Variants in SP4 observed in about 807,000 individuals in gnomAD.
SP4 encodes transcription factor Sp4.
In SP4, 19 loss-of-function variants were observed where a neutral mutation model predicts 72.8. The observed-to-expected ratio is 0.26, with a 90% CI of 0.18 to 0.38. The LOEUF is 0.38. SP4 is among the 10% of genes least tolerant of loss of function. The probability of loss-of-function intolerance (pLI) is 1.00; values close to 1 mark genes in which losing one functional copy is unlikely to be tolerated. For synonymous variants in SP4, 395 were observed against 333.1 expected, an observed-to-expected ratio of 1.19 and a Z score of -2.02; for missense variants, 1,008 against 926.3, an observed-to-expected ratio of 1.09 and a Z score of -1.14.
intron 3 of SP4, among the ~76,000 whole-genome samples, chr7:21,434,123 G>T (rs1014546304): frequency 7.2e-5 from 11 of 152,112 alleles, no homozygotes; most frequent in African/African-American, 2.7e-4. Flanking sequence ...GTCGGTTCAT[G>T]TTGTTCCCCA....
chr7:21,480,998 A>T (rs1784669376), intron 4 of SP4, among the ~76,000 whole-genome samples: 1 of 152,176 alleles, frequency 6.6e-6, no homozygotes, highest in Non-Finnish European at 1.5e-5. Context: ...CTGCTTTAAG[A>T]GCTGAGTGCC....
rs186674144 is a variant in SP4 at position 21,494,603 on chromosome 7, A to G, written c.2107+12480A>G. On this transcript the variant is annotated intron_variant, in intron 5 of 5. Transcript: ENST00000222584. The stretch of plus-strand genomic sequence containing the variant: ...ATGCAAGACATGTAAGCTAAAAACT[A>G]AAACATTGATGAAAGAATGCAATGA... Among the ~76,000 whole-genome samples, 267 of 152,002 alleles carry G rather than the reference A, an allele frequency of 1.8e-3. 2 individuals are homozygous for G. The highest frequency in any genetic ancestry group is 5.8e-3 in the African/African-American group (242 of 41,458).
intron 5 of SP4, among the ~76,000 whole-genome samples, chr7:21,494,124 A>T (rs879129490): frequency 6.6e-6 from 1 of 152,206 alleles, no homozygotes; most frequent in Admixed American, 6.5e-5. Flanking sequence ...ACTGAGTTGA[A>T]GGAAACATCA....
At chr7:21,489,991 A>G (rs1784930434) in intron 5 of SP4, among the ~76,000 whole-genome samples, 1 of 152,210 alleles carries the variant, frequency 6.6e-6, no homozygotes, top group Non-Finnish European at 1.5e-5. Context: ...AGTATGTGAA[A>G]CATCAAAACT....
chr7:21,444,983 A>G (rs780602238), intron 3 of SP4, among the ~76,000 whole-genome samples: 9 of 152,168 alleles, frequency 5.9e-5, no homozygotes, highest in African/African-American at 2.2e-4. Flanking sequence ...TTTGAGGTAC[A>G]TATGCCACAA....
At chr7:21,509,255 C>A (rs988888129) in intron 5 of SP4, among the ~76,000 whole-genome samples, 17 of 152,042 alleles carry the variant, frequency 1.1e-4, no homozygotes, top group African/African-American at 3.1e-4. Context: ...TCCTGGTTTG[C>A]CAAGAGCTCT....
intron 4 of SP4, among the ~76,000 whole-genome samples, chr7:21,481,271 C>T (rs568602880): frequency 1.3e-5 from 2 of 152,220 alleles, no homozygotes; most frequent in African/African-American, 2.4e-5. Context: ...CTCCTCTGAC[C>T]GGGAGGTGGG....
chr7:21,511,832 G>C lies in SP4; in HGVS notation c.*563G>C, dbSNP rs926321221. 1.9e-5 allele frequency: 3 copies of C among 154,326 alleles called. No homozygotes were observed. The highest frequency in any genetic ancestry group is 1.9e-4 in the East Asian group (1 of 5,212). The allele number at this position is 154,326 out of a possible 1,614,324, so 9.6% of individuals were successfully genotyped here. ...GTTGAATTAGGTAAGTTCCAAAACAGTAATCTGAGATGCATCTCAGATCTT... is the reference window on the plus strand; with the variant it reads ...GTTGAATTAGGTAAGTTCCAAAACACTAATCTGAGATGCATCTCAGATCTT... On this transcript the variant is annotated 3_prime_UTR_variant, in exon 6 of 6. Transcript: ENST00000222584.
chr7:21,496,353 G>A (rs7811539), intron 5 of SP4, among the ~76,000 whole-genome samples: 62,230 of 152,086 alleles, frequency 0.41, 14,654 homozygotes, highest in East Asian at 0.85. Context: ...TAAGAATTCA[G>A]AACAGTTTTC....
chr7:21,463,946 G>C (rs1314800938), intron 3 of SP4, among the ~76,000 whole-genome samples: 1 of 152,100 alleles, frequency 6.6e-6, no homozygotes, highest in African/African-American at 2.4e-5. Context: ...CTCTAGGTCT[G>C]ACTGTCCTCA....
At chr7:21,480,385 C>T (rs1409644531) in intron 4 of SP4, among the ~76,000 whole-genome samples, 6 of 152,116 alleles carry the variant, frequency 3.9e-5, no homozygotes, top group Admixed American at 2.6e-4. Flanking sequence ...GTTTTAATTA[C>T]GAATTCAGTC....
intron 3 of SP4, among the ~76,000 whole-genome samples, chr7:21,472,540 G>T (rs974270536): frequency 6.6e-6 from 1 of 151,990 alleles, no homozygotes; most frequent in Non-Finnish European, 1.5e-5. Context: ...CAGTCCTCCT[G>T]CCTCGGCCTC....
At chr7:21,453,509 T>A (rs1583398285) in intron 3 of SP4, among the ~76,000 whole-genome samples, 1 of 152,222 alleles carries the variant, frequency 6.6e-6, no homozygotes, top group East Asian at 1.9e-4. Flanking sequence ...CCTAGTCATA[T>A]CAGAATTGTA....
At chr7:21,497,416 AT>A (rs1781740867) in intron 5 of SP4, among the ~76,000 whole-genome samples, 1 of 152,228 alleles carries the variant, frequency 6.6e-6, no homozygotes, top group African/African-American at 2.4e-5. Flanking sequence ...AAATTCAGCC[AT>A]TTTTCTTGAA....
intron 3 of SP4, among the ~76,000 whole-genome samples, chr7:21,441,811 C>T (rs1041281514): frequency 6.6e-6 from 1 of 152,056 alleles, no homozygotes; most frequent in African/African-American, 2.4e-5. Flanking sequence ...TAGGTAAAAA[C>T]ATCAGGTTGG....
chr7:21,508,600 T>G (rs1166134155), intron 5 of SP4, among the ~76,000 whole-genome samples: 2 of 152,128 alleles, frequency 1.3e-5, no homozygotes, highest in Non-Finnish European at 2.9e-5. Context: ...GTGCTGGGAT[T>G]ACAGGTGTGA....
intron 3 of SP4, among the ~76,000 whole-genome samples, chr7:21,468,302 A>C (rs932592776): frequency 1.1e-4 from 17 of 152,118 alleles, no homozygotes; most frequent in African/African-American, 4.1e-4. Flanking sequence ...TTCATGGAAA[A>C]GTTTCGAATT....
chr7:21,499,388 A>G (rs1479531640), intron 5 of SP4, among the ~76,000 whole-genome samples: 1 of 152,212 alleles, frequency 6.6e-6, no homozygotes, highest in Non-Finnish European at 1.5e-5. Flanking sequence ...ATGAAGCCAT[A>G]CTGGATTAGG....
Position 21,429,372 on chromosome 7 carries a change from A to G in SP4, c.207A>G (p.Gln69=), listed in dbSNP as rs1045872077. 1.2e-6 allele frequency: 2 copies of G among 1,614,108 alleles called. No homozygotes were observed. The highest frequency in any genetic ancestry group is 1.1e-5 in the South Asian group (1 of 91,078). The change falls in exon 3 of 6, where the codon CAA becomes CAG. Residue 69 remains glutamine (Q), a synonymous_variant. Coordinates refer to ENST00000222584, the MANE Select transcript of SP4 (RefSeq NM_003112.5). ...GTPGENQATG[Q]QQIIIDPSQG... is the part of the protein sequence containing the mutation. ...CTGGTGAAAATCAAGCAACTGGACA[A>G]CAACAAATTATTATAGATCCAAGTC...
Sources: gnomAD v4.1 joint callset for allele counts (sites outside exome capture counted in the v4.1 genomes callset) on GRCh38, gnomAD v4.1.1 for gene constraint, MANE v1.5 for transcripts, NCBI Gene and HGNC (gene_info 2026-07-23, HGNC 2026-07-21) for gene names.